PPP2R3A: variants seen among roughly 807,000 people sequenced by gnomAD.
The protein encoded by PPP2R3A is serine/threonine-protein phosphatase 2A regulatory subunit B'' subunit alpha.
A neutral mutation model predicts 106.9 loss-of-function variants in PPP2R3A; 80 were observed. The ratio of observed to expected loss-of-function variants is 0.75; its 90% confidence interval spans 0.62 to 0.90. The LOEUF is 0.90. Among genes scored for constraint, PPP2R3A ranks in the 40% least tolerant of loss-of-function variants. The probability of loss-of-function intolerance (pLI) is 0.00; values close to 1 mark genes in which losing one functional copy is unlikely to be tolerated. For synonymous variants in PPP2R3A, 483 were observed against 468.3 expected (o/e 1.03, Z -0.41); for missense variants, 1,386 against 1,350.4 (o/e 1.03, Z -0.41).
Position 136,001,711 on chromosome 3 carries a change from G to A in PPP2R3A, c.213G>A (p.Met71Ile). ...SQFKDADLNS[M>I]FLPHENGLSS... is the part of the protein sequence containing the mutation. ...TCAAAGATGCAGATCTGAACTCTATGTTTCTACCCCATGAAAATGGGCTTT... is the reference window on the plus strand; with the variant it reads ...TCAAAGATGCAGATCTGAACTCTATATTTCTACCCCATGAAAATGGGCTTT... Residue 71 changes from methionine (M) to isoleucine (I), a missense_variant, in exon 2 of 14, where the codon ATG (methionine) becomes ATA (isoleucine). Transcript: ENST00000264977. 6.2e-7 allele frequency: 1 copy of A among 1,614,082 alleles called. No individual in the cohort carries two copies. Among genetic ancestry groups the A allele is most frequent in the South Asian group, 1.1e-5 (1 of 91,082 alleles).
intron 4 of PPP2R3A, among the ~76,000 whole-genome samples, chr3:136,042,418 A>G (rs148869454): frequency 0.032 from 4,861 of 152,298 alleles, 266 homozygotes; most frequent in African/African-American, 0.11. Context: ...ATGGGTTGAT[A>G]GGTGCAGCAC....
chr3:136,094,681 GA>G (rs1937175563), intron 10 of PPP2R3A, among the ~76,000 whole-genome samples: 2 of 152,180 alleles, frequency 1.3e-5, no homozygotes, highest in African/African-American at 4.8e-5. Flanking sequence ...CACCTAAAAA[GA>G]AATACATAAC....
At chr3:135,991,884 A>G in intron 1 of PPP2R3A, among the ~76,000 whole-genome samples, 1 of 152,130 alleles carries the variant, frequency 6.6e-6, no homozygotes, top group East Asian at 1.9e-4. Context: ...CATGTGTTCA[A>G]ATCAGGTCCA....
intron 8 of PPP2R3A, among the ~76,000 whole-genome samples, chr3:136,086,279 C>T (rs1936926114): frequency 6.6e-6 from 1 of 152,048 alleles, no homozygotes; most frequent in Non-Finnish European, 1.5e-5. Context: ...GTCAGGAGTT[C>T]AAGACCAGCC....
intron 5 of PPP2R3A, among the ~76,000 whole-genome samples, chr3:136,068,516 G>C (rs562942832): frequency 1.3e-5 from 2 of 151,974 alleles, no homozygotes; most frequent in Non-Finnish European, 2.9e-5. Context: ...GCAAGACTCC[G>C]TCTCAAAAAA....
chr3:136,045,474 C>T (rs1935440709), intron 4 of PPP2R3A, among the ~76,000 whole-genome samples: 1 of 152,168 alleles, frequency 6.6e-6, no homozygotes, highest in African/African-American at 2.4e-5. Context: ...AGGAACTGGG[C>T]CACAACCTCT....
intron 5 of PPP2R3A, among the ~76,000 whole-genome samples, chr3:136,051,167 T>A (rs1390777824): frequency 6.6e-6 from 1 of 152,256 alleles, no homozygotes; most frequent in African/African-American, 2.4e-5. Context: ...ACAAATTCTT[T>A]GAAGCTAAGA....
intron 3 of PPP2R3A, among the ~76,000 whole-genome samples, chr3:136,034,040 T>A (rs1229368380): frequency 1.4e-5 from 1 of 71,736 alleles, no homozygotes; most frequent in Admixed American, 1.3e-4. Flanking sequence ...TTTCTTTTTC[T>A]TTTTTTTTTT....
intron 11 of PPP2R3A, 97 bp downstream of exon 11, chr3:136,102,279 C>T: frequency 7.6e-7 from 1 of 1,317,356 alleles, no homozygotes; most frequent in East Asian, 2.6e-5. Flanking sequence ...ATTTCAGAGT[C>T]TTGATAGAAG....
chr3:136,044,358 A>C (rs1310409876), intron 4 of PPP2R3A, among the ~76,000 whole-genome samples: 1 of 152,056 alleles, frequency 6.6e-6, no homozygotes. Flanking sequence ...TCTGGTCTTG[A>C]GGGCGGTTGG....
At chr3:136,129,400 T>G (rs1012700585) in intron 13 of PPP2R3A, among the ~76,000 whole-genome samples, 1 of 152,082 alleles carries the variant, frequency 6.6e-6, no homozygotes, top group Non-Finnish European at 1.5e-5. Flanking sequence ...TCTATGCAAA[T>G]AAACTAGAAT....
chr3:136,133,344 C>T (rs1385275733), intron 13 of PPP2R3A, among the ~76,000 whole-genome samples: 1 of 151,942 alleles, frequency 6.6e-6, no homozygotes, highest in Non-Finnish European at 1.5e-5. Flanking sequence ...TGTGAATACA[C>T]ACTAAAAAGG....
At chr3:136,093,224 C>T (rs924008874) in intron 10 of PPP2R3A, among the ~76,000 whole-genome samples, 1 of 152,164 alleles carries the variant, frequency 6.6e-6, no homozygotes, top group African/African-American at 2.4e-5. Context: ...GCCTGGGCAA[C>T]ATGGTGAAAC....
intron 1 of PPP2R3A, among the ~76,000 whole-genome samples, chr3:135,966,853 G>A (rs1046804959): frequency 2.6e-5 from 4 of 152,008 alleles, no homozygotes; most frequent in African/African-American, 7.2e-5. Flanking sequence ...TTTGGTGCCA[G>A]GCATTTTTCT....
chr3:136,099,692 A>G (rs1250930543), intron 10 of PPP2R3A, among the ~76,000 whole-genome samples: 1 of 152,158 alleles, frequency 6.6e-6, no homozygotes, highest in Admixed American at 6.5e-5. Context: ...AAATTTTAAT[A>G]TAACTGGAAA....
rs142644884 is a variant in PPP2R3A, at chr3:136,102,135, A to G, written c.3056A>G (p.His1019Arg). The G allele has an allele frequency of 1.2e-5, 20 of 1,613,668 alleles. No homozygotes were observed. The East Asian group carries it at 4.0e-4, about 32-fold the overall frequency. ...EAMGIEPLPF[H>R]DLLCQMLDLV... ...ATGGGAATTGAGCCCTTGCCATTCC[A>G]TGATTTACTGTGCCAGATGCTTGAC... Residue 1019 changes from histidine (H) to arginine (R), a missense_variant, in exon 11 of 14, where the codon CAT becomes CGT. Coordinates refer to ENST00000264977, the MANE Select transcript of PPP2R3A (RefSeq NM_002718.5).
chr3:135,992,360 A>G (rs1005919832), intron 1 of PPP2R3A, among the ~76,000 whole-genome samples: 2 of 152,220 alleles, frequency 1.3e-5, no homozygotes, highest in African/African-American at 2.4e-5. Context: ...CTAGTCTTCA[A>G]GTGATCCACC....
rs1246281231 is a variant in PPP2R3A at position 136,002,617 on chromosome 3, C to T, written c.1119C>T (p.Ser373=). 1 of 1,613,962 alleles carries T rather than the reference C, an allele frequency of 6.2e-7. No homozygotes were observed. Among genetic ancestry groups the T allele is most frequent in the Non-Finnish European group, 8.5e-7 (1 of 1,179,900 alleles). ...CTGTACAATCCATTCCAAACAACTC[C>T]ACAAATTCCTTATATAACTTAGAGG... The part of the protein sequence containing the change: ...MDTVQSIPNN[S]TNSLYNLEVN... The change falls in exon 2 of 14, where the codon TCC becomes TCT. Residue 373 remains serine, a synonymous_variant. Transcript: ENST00000264977.
At chr3:136,086,992 G>A (rs1190081386) in intron 8 of PPP2R3A, among the ~76,000 whole-genome samples, 1 of 152,046 alleles carries the variant, frequency 6.6e-6, no homozygotes, top group Non-Finnish European at 1.5e-5. Context: ...ACCTGAGGTT[G>A]TGAGTTCAAG....
Sources: gnomAD v4.1 joint callset for allele counts (sites outside exome capture counted in the v4.1 genomes callset) on GRCh38, gnomAD v4.1.1 for gene constraint, MANE v1.5 for transcripts, NCBI Gene and HGNC (gene_info 2026-07-23, HGNC 2026-07-21) for gene names.